SVOP: variants seen among roughly 807,000 people sequenced by gnomAD.
SVOP encodes the protein SV2 related protein.
In SVOP, 17 loss-of-function variants were observed where a neutral mutation model predicts 69.1. The observed-to-expected ratio is 0.25, with a 90% confidence interval of 0.17 to 0.37. The LOEUF is 0.37. Ranked by LOEUF, SVOP falls within the 10% of genes least tolerant of loss-of-function variation. SVOP has a pLI of 1.00. For missense variants in SVOP, 435 were observed against 597.5 expected, an observed-to-expected ratio of 0.73 and a Z score of 2.84; for synonymous variants, 238 against 238.6, an observed-to-expected ratio of 1.00 and a Z score of 0.02.
In SVOP at chr12:108,928,668, G is replaced by A. The variant is rs180857831; in HGVS notation, c.1048+5527C>T. 4.8e-3 allele frequency among the ~76,000 whole-genome samples: 721 copies of A among 151,456 alleles called. 4 individuals carry two copies. The highest frequency in any genetic ancestry group is 0.016 in the African/African-American group (649 of 41,254). ...AGCAAGCTCCGCTTCTCAGGCTCAA[G>A]CGATCCTCCCAGTTCAGCCTCCCAA... On this transcript the variant is annotated intron_variant, in intron 11 of 15. Coordinates refer to ENST00000610966, the MANE Select transcript of SVOP (RefSeq NM_018711.5).
intron 11 of SVOP, among the ~76,000 whole-genome samples, chr12:108,931,953 C>G (rs1266689626): frequency 6.6e-6 from 1 of 152,078 alleles, no homozygotes; most frequent in Non-Finnish European, 1.5e-5. Flanking sequence ...ATCCATAAAG[C>G]TCTGAGTACT....
chr12:108,928,225 C>G, intron 11 of SVOP, among the ~76,000 whole-genome samples: 1 of 152,046 alleles, frequency 6.6e-6, no homozygotes, highest in East Asian at 1.9e-4. Context: ...CCCCCTGACC[C>G]CCACCATTTT....
chr12:108,941,015 G>A (rs986678859), intron 7 of SVOP, 106 bp from the exon 8 acceptor site: 36 of 1,428,536 alleles, frequency 2.5e-5, no homozygotes, highest in African/African-American at 2.0e-4. Flanking sequence ...AGGGGTCATC[G>A]GAGTCAGTAA....
intron 6 of SVOP, among the ~76,000 whole-genome samples, chr12:108,957,888 A>G (rs1566057154): frequency 6.6e-6 from 1 of 152,190 alleles, no homozygotes; most frequent in African/African-American, 2.4e-5. Flanking sequence ...AAGGAACTCA[A>G]CTGTGAGCTC....
At chr12:108,936,939 G>A in intron 10 of SVOP, 1 of 326,620 alleles carries the variant, frequency 3.1e-6, no homozygotes, top group Non-Finnish European at 5.8e-6. Context: ...GCTTACAACT[G>A]TAATCCCAGA....
intron 6 of SVOP, among the ~76,000 whole-genome samples, chr12:108,945,517 G>C (rs1243692852): frequency 6.6e-6 from 1 of 151,692 alleles, no homozygotes; most frequent in East Asian, 1.9e-4. Flanking sequence ...TCAGCCTCCA[G>C]AGTAGCTAAG....
At position 108,937,259 on chromosome 12, in the gene SVOP, C is replaced by T. The variant is rs2039862068; in HGVS notation, c.971+5G>A. 1.2e-6 allele frequency: 2 copies of T among 1,613,950 alleles called. No homozygotes were observed. Among genetic ancestry groups the T allele is most frequent in the Non-Finnish European group, 1.7e-6 (2 of 1,179,852 alleles). On this transcript the variant is annotated splice_donor_5th_base_variant and intron_variant, in intron 10 of 15. Transcript: ENST00000610966. ...GGGTCAAAGTGGTCAACAAACAGCT[C>T]TTACCATATAAACCACAGCAGCAAA... is the stretch of plus-strand genomic sequence containing the variant.
chr12:108,977,446 C>G lies in SVOP; in HGVS notation c.333G>C (p.Leu111=). 6.5e-7 allele frequency: 1 copy of G among 1,537,236 alleles called. No homozygotes were observed. The highest frequency in any genetic ancestry group is 8.7e-7 in the Non-Finnish European group (1 of 1,146,878). ...AGCTTGGGAGCCTCCACTCGCAATGCAGCTGTGGTGCCAGGATGCTGAGGA... is the reference window on the plus strand; with the variant it reads ...AGCTTGGGAGCCTCCACTCGCAATGGAGCTGTGGTGCCAGGATGCTGAGGA... ...MMILSILAPQ[L]HCEWRLPSWQ... The change falls in exon 4 of 16, where the codon CTG becomes CTC. Residue 111 remains leucine, a synonymous_variant. Transcript: ENST00000610966.
intron 1 of SVOP, among the ~76,000 whole-genome samples, chr12:109,006,066 G>GTTTTT (rs993507029): frequency 6.6e-6 from 1 of 151,004 alleles, no homozygotes. Context: ...GTTTTGTTTT[G>GTTTTT]TTTGAGAAAG....
intron 14 of SVOP, 148 bp downstream of exon 14, chr12:108,917,895 C>T: frequency 1.8e-6 from 1 of 545,180 alleles, no homozygotes; most frequent in Non-Finnish European, 3.1e-6. Flanking sequence ...ATCCTCCTGC[C>T]TCGGCCTCCC....
chr12:109,007,338 C>A (rs2040314421), intron 1 of SVOP, among the ~76,000 whole-genome samples: 1 of 152,154 alleles, frequency 6.6e-6, no homozygotes, highest in Admixed American at 6.6e-5. Flanking sequence ...CAAGACAAGA[C>A]CTGGGGCACT....
chr12:109,020,117 C>T (rs2040388464), intron 1 of SVOP, among the ~76,000 whole-genome samples: 1 of 152,076 alleles, frequency 6.6e-6, no homozygotes, highest in South Asian at 2.1e-4. Flanking sequence ...TCTACAAGGC[C>T]CCTGTCCTTT....
Position 108,916,049 on chromosome 12 carries a change from C to T in SVOP, c.1351-177G>A, listed in dbSNP as rs145936939. On this transcript the variant is annotated intron_variant, in intron 14 of 15. Transcript: ENST00000610966. ...ACCCCAAAGGGCATGGGAGGCTCAACTCAGACCTAGGGCAAGAGGCTGAGC... is the reference window on the plus strand; with the variant it reads ...ACCCCAAAGGGCATGGGAGGCTCAATTCAGACCTAGGGCAAGAGGCTGAGC... Among the ~76,000 whole-genome samples the T allele has an allele frequency of 2.8e-3, 433 of 152,324 alleles. 2 individuals carry two copies. The highest frequency in any genetic ancestry group is 9.8e-3 in the African/African-American group (406 of 41,574).
At chr12:108,986,948 GAAGAAAATC>G (rs2040169143) in intron 1 of SVOP, among the ~76,000 whole-genome samples, 1 of 152,122 alleles carries the variant, frequency 6.6e-6, no homozygotes, top group Non-Finnish European at 1.5e-5. Context: ...AGGTGTCCTA[GAAGAAAATC>G]GTGAAACAGG....
chr12:108,983,957 G>A (rs2040154936), intron 1 of SVOP, among the ~76,000 whole-genome samples, 196 bp from the exon 2 acceptor site: 1 of 152,218 alleles, frequency 6.6e-6, no homozygotes, highest in Non-Finnish European at 1.5e-5. Context: ...TATCAGGACT[G>A]CCATATACAG....
In SVOP at chr12:108,957,444, G is replaced by A. The variant is rs879592255; in HGVS notation, c.578+3479C>T. The stretch of plus-strand genomic sequence containing the variant: ...CTCCCAAAGTGCTGGGATTACAGAC[G>A]TGAGCCACCGTGCCCGGACCCATTA... On this transcript the variant is annotated intron_variant, in intron 6 of 15. Transcript: ENST00000610966. Among the ~76,000 whole-genome samples the A allele has an allele frequency of 9.2e-5, 14 of 152,272 alleles. 1 individual carries two copies. Among genetic ancestry groups the A allele is most frequent in the African/African-American group, 1.2e-4 (5 of 41,548 alleles).
intron 9 of SVOP, among the ~76,000 whole-genome samples, chr12:108,937,737 A>G (rs1244883365): frequency 6.6e-6 from 1 of 152,226 alleles, no homozygotes; most frequent in Admixed American, 6.5e-5. Flanking sequence ...GCAACAGTTA[A>G]TGTGCTGAGA....
At chr12:109,016,934 T>A (rs77546486) in intron 1 of SVOP, among the ~76,000 whole-genome samples, 144,758 of 152,096 alleles carry the variant, frequency 0.95, 69,464 homozygotes, top group Non-Finnish European at 1. Flanking sequence ...TTTTTAGTAG[T>A]AACAGGTCTC....
At position 108,912,502 on chromosome 12, in the gene SVOP, G is replaced by A. The variant is rs373043025; in HGVS notation, c.*33C>T. On this transcript the variant is annotated 3_prime_UTR_variant, in exon 16 of 16. Transcript: ENST00000610966. ...GCCTGCCAGCCCCCCAAGCTCTGCA[G>A]CCTCAAAGACCAGCTCAGTCCCCCA... 6.8e-5 allele frequency: 110 copies of A among 1,611,530 alleles called. No individual in the cohort carries two copies. The African/African-American group carries it at 1.3e-3, about 19-fold the overall frequency.
Sources: allele counts gnomAD v4.1 joint callset (sites outside exome capture counted in the v4.1 genomes callset), GRCh38; gene constraint gnomAD v4.1.1; transcripts MANE v1.5; gene names NCBI Gene and HGNC (gene_info 2026-07-23, HGNC 2026-07-21).